Variants in GUCY1B1 observed in about 807,000 individuals in gnomAD.
GUCY1B1 encodes guanylate cyclase 1 soluble subunit beta 1.
In GUCY1B1, 43 loss-of-function variants were observed where a neutral mutation model predicts 71.0. The ratio of observed to expected loss-of-function variants is 0.61; its 90% confidence interval spans 0.47 to 0.78. GUCY1B1 has a LOEUF of 0.78. Among genes scored for constraint, GUCY1B1 ranks in the 30% least tolerant of loss-of-function variants. The pLI, the probability that GUCY1B1 is intolerant of heterozygous loss-of-function variation, is 0.00. For synonymous variants in GUCY1B1, 266 were observed against 259.7 expected, an observed-to-expected ratio of 1.02 and a Z score of -0.23; for missense variants, 535 against 754.1, an observed-to-expected ratio of 0.71 and a Z score of 3.40.
intron 1 of GUCY1B1, 78 bp from the exon 2 acceptor site, chr4:155,759,709 G>T (rs556856056): frequency 2.0e-6 from 2 of 1,008,470 alleles, no homozygotes; most frequent in South Asian, 2.7e-5. Context: ...CATGGGAGCA[G>T]AGGCAGCAGC....
intron 9 of GUCY1B1, among the ~76,000 whole-genome samples, chr4:155,801,462 T>C (rs1408306177): frequency 6.6e-6 from 1 of 152,216 alleles, no homozygotes; most frequent in Non-Finnish European, 1.5e-5. Context: ...AGCTTTAATA[T>C]TTCATAAAAC....
chr4:155,802,200 A>G lies in GUCY1B1; in HGVS notation c.1176-142A>G. The G allele has an allele frequency of 6.7e-7, 1 of 1,486,282 alleles. No homozygotes were observed. The highest frequency in any genetic ancestry group is 8.9e-7 in the Non-Finnish European group (1 of 1,119,252). 92.1% of individuals were successfully genotyped at this position (1,486,282 alleles called of 1,614,324 possible). A position where few individuals can be genotyped will look rare whatever the true frequency, so the allele number is the denominator to read the frequency against. On this transcript the variant is annotated intron_variant, in intron 9 of 13. Transcript: ENST00000264424. The surrounding 1 kb of genome is among the most constrained non-coding windows in gnomAD (Gnocchi z 4.3). ...TGCTTATAAATACAGCTAATATTTG[A>G]TGCTAATTTTAGAGGATGTCCTGCT...
At chr4:155,796,046 G>A (rs567598233) in intron 7 of GUCY1B1, among the ~76,000 whole-genome samples, 9 of 152,152 alleles carry the variant, frequency 5.9e-5, no homozygotes, top group Non-Finnish European at 1.3e-4. Flanking sequence ...GGGGAGGCTT[G>A]GCTTATTCTT....
chr4:155,789,973 C>A, intron 5 of GUCY1B1, 62 bp downstream of exon 5: 3 of 1,109,338 alleles, frequency 2.7e-6, no homozygotes, highest in Non-Finnish European at 4.0e-6. Flanking sequence ...TTAAATGACA[C>A]TCTCTAAATT....
At chr4:155,770,485 G>T (rs1362535091) in intron 2 of GUCY1B1, among the ~76,000 whole-genome samples, 1 of 152,086 alleles carries the variant, frequency 6.6e-6, no homozygotes, top group African/African-American at 2.4e-5. Context: ...GAGAAGGCTT[G>T]GTTGATTCAA....
Position 155,759,044 on chromosome 4 carries a change from C to A in GUCY1B1, c.-97C>A, listed in dbSNP as rs1736745307. On this transcript the variant is annotated 5_prime_UTR_variant, in exon 1 of 14. Transcript: ENST00000264424. ...TCGCTCCAGCTCGATGCTGCCTCCCCGGCCCGGTTGCGCTGTAGCCGCTGC... is the reference window on the plus strand; with the variant it reads ...TCGCTCCAGCTCGATGCTGCCTCCCAGGCCCGGTTGCGCTGTAGCCGCTGC... 5.3e-6 allele frequency: 7 copies of A among 1,318,298 alleles called. No homozygotes were observed. Among genetic ancestry groups the A allele is most frequent in the Non-Finnish European group, 7.4e-6 (7 of 940,576 alleles). The allele number at this position is 1,318,298 out of a possible 1,614,324, so 81.7% of individuals were successfully genotyped here.
chr4:155,765,267 G>C (rs1737255616), intron 2 of GUCY1B1, among the ~76,000 whole-genome samples: 1 of 152,062 alleles, frequency 6.6e-6, no homozygotes, highest in East Asian at 1.9e-4. Flanking sequence ...TAATGTGTTG[G>C]AAAACTATAG....
chr4:155,805,647 T>G (rs1740263007), intron 13 of GUCY1B1, among the ~76,000 whole-genome samples: 1 of 152,204 alleles, frequency 6.6e-6, no homozygotes, highest in African/African-American at 2.4e-5. Context: ...CCATGAAGCT[T>G]AAGATCCTTT....
At position 155,803,684 on chromosome 4, in the gene GUCY1B1, C is replaced by T; in HGVS notation, c.1474C>T (p.His492Tyr). The T allele has an allele frequency of 6.2e-7, 1 of 1,602,156 alleles. No individual in the cohort carries two copies. Among genetic ancestry groups the T allele is most frequent in the South Asian group, 1.1e-5 (1 of 89,260 alleles). ...VSGLPEPCIH[H>Y]ARSICHLALD... Reference sequence around the variant, plus strand: ...TGGTTTACCAGAGCCATGCATTCACCATGCACGATCCATCTGCCACCTGGC... The same window carrying T: ...TGGTTTACCAGAGCCATGCATTCACTATGCACGATCCATCTGCCACCTGGC... Residue 492 changes from histidine to tyrosine, a missense_variant, in exon 11 of 14, where the codon CAT (histidine) becomes TAT (tyrosine). Physicochemically the swap from His to Tyr is moderately conservative, Grantham distance 83 (BLOSUM62 2). Coordinates refer to ENST00000264424, the MANE Select transcript of GUCY1B1 (RefSeq NM_000857.5).
Position 155,802,221 on chromosome 4 carries a change from C to T in GUCY1B1, c.1176-121C>T. 1 of 1,521,172 alleles carries T rather than the reference C, an allele frequency of 6.6e-7. No individual in the cohort carries two copies. The allele number at this position is 1,521,172 out of a possible 1,614,324, so 94.2% of individuals were successfully genotyped here. On this transcript the variant is annotated intron_variant, in intron 9 of 13. Coordinates refer to ENST00000264424, the MANE Select transcript of GUCY1B1 (RefSeq NM_000857.5). The surrounding 1 kb of genome is among the most constrained non-coding windows in gnomAD (Gnocchi z 4.3). ...TTTGATGCTAATTTTAGAGGATGTC[C>T]TGCTAGAATCCAGGCCTTTAAAGTA...
intron 1 of GUCY1B1, 25 bp downstream of exon 1, chr4:155,759,168 C>T (rs1335510762): frequency 5.1e-6 from 8 of 1,568,946 alleles, no homozygotes; most frequent in Middle Eastern, 1.8e-4. Context: ...CCGGGTGCGG[C>T]CCGAACCTCA....
intron 2 of GUCY1B1, among the ~76,000 whole-genome samples, chr4:155,760,459 TCTA>T (rs1235059775): frequency 1.0e-5 from 1 of 97,512 alleles, no homozygotes; most frequent in East Asian, 3.6e-4. Flanking sequence ...CCCGTTTTTT[TCTA>T]CTGTGTTGAA....
chr4:155,768,251 G>A (rs1197347319), intron 2 of GUCY1B1, among the ~76,000 whole-genome samples: 1 of 152,110 alleles, frequency 6.6e-6, no homozygotes, highest in African/African-American at 2.4e-5. Context: ...AGTAGCAGGA[G>A]CTCAGGGTCA....
chr4:155,780,407 G>A (rs991156385), intron 4 of GUCY1B1, among the ~76,000 whole-genome samples: 3 of 152,028 alleles, frequency 2.0e-5, no homozygotes, highest in African/African-American at 4.8e-5. Context: ...CTCTCTCCAA[G>A]CTCTGCCCTA....
chr4:155,760,001 G>A, intron 2 of GUCY1B1, 141 bp downstream of exon 2: 1 of 608,432 alleles, frequency 1.6e-6, no homozygotes, highest in Non-Finnish European at 2.9e-6. Context: ...CTCCCGGCTC[G>A]CTGCAGCTGC....
At chr4:155,786,377 G>A (rs1321123296) in intron 4 of GUCY1B1, among the ~76,000 whole-genome samples, 1 of 138,060 alleles carries the variant, frequency 7.2e-6, no homozygotes, top group Non-Finnish European at 1.5e-5. Flanking sequence ...GGGTTCAAGC[G>A]ATTCTCATGC....
intron 2 of GUCY1B1, among the ~76,000 whole-genome samples, chr4:155,760,145 C>T (rs916945698): frequency 2.0e-5 from 3 of 152,146 alleles, no homozygotes; most frequent in Non-Finnish European, 2.9e-5. Context: ...GAACGCGCTG[C>T]CGGCGCTCCC....
intron 5 of GUCY1B1, among the ~76,000 whole-genome samples, chr4:155,793,645 A>C (rs1739335681): frequency 6.6e-6 from 1 of 152,164 alleles, no homozygotes; most frequent in Admixed American, 6.5e-5. Context: ...CCAGATTTGT[A>C]ATTTTACAAT....
At chr4:155,775,244 T>C (rs535021284) in intron 3 of GUCY1B1, among the ~76,000 whole-genome samples, 176 bp downstream of exon 3, 1 of 152,332 alleles carries the variant, frequency 6.6e-6, no homozygotes, top group Non-Finnish European at 1.5e-5. Context: ...CCAAGTCTTA[T>C]TTTTCCTTTT....
Sources: gnomAD v4.1 joint callset for allele counts (sites outside exome capture counted in the v4.1 genomes callset) on GRCh38, gnomAD v4.1.1 for gene constraint, Gnocchi (gnomAD v3.1) non-coding constraint, MANE v1.5 for transcripts, NCBI Gene and HGNC (gene_info 2026-07-23, HGNC 2026-07-21) for gene names.